The following PTK2B variants were observed in gnomAD, a reference collection of about 807,000 sequenced individuals.
PTK2B encodes the protein protein tyrosine kinase 2 beta.
PTK2B carries 71 observed loss-of-function variants against 142.9 expected under a neutral mutation model. The ratio of observed to expected loss-of-function variants is 0.50; its 90% CI spans 0.41 to 0.61. PTK2B has a LOEUF of 0.61. Among genes scored for constraint, PTK2B ranks in the 20% least tolerant of loss-of-function variants. The pLI is 0.00. For missense variants in PTK2B, 1,105 were observed against 1,320.4 expected, an observed-to-expected ratio of 0.84 and a Z score of 2.53; for synonymous variants, 519 against 503.4, an observed-to-expected ratio of 1.03 and a Z score of -0.42.
At chr8:27,428,305 A>G (rs2131975890) in intron 5 of PTK2B, among the ~76,000 whole-genome samples, 1 of 152,366 alleles carries the variant, frequency 6.6e-6, no homozygotes, top group South Asian at 2.1e-4. Flanking sequence ...CTCTGTGGCC[A>G]GCTTCCTAAC....
At chr8:27,386,044 G>T (rs1390171742) in intron 1 of PTK2B, among the ~76,000 whole-genome samples, 1 of 152,098 alleles carries the variant, frequency 6.6e-6, no homozygotes, top group Non-Finnish European at 1.5e-5. Flanking sequence ...TGTAACTTAA[G>T]ATCTTTAACT....
intron 1 of PTK2B, among the ~76,000 whole-genome samples, chr8:27,374,390 C>T (rs1040795352): frequency 1.3e-5 from 2 of 152,240 alleles, no homozygotes; most frequent in East Asian, 1.9e-4. Context: ...TCACAGACCC[C>T]TCACAACAGG....
At chr8:27,379,067 G>A (rs1258841734) in intron 1 of PTK2B, among the ~76,000 whole-genome samples, 2 of 152,166 alleles carry the variant, frequency 1.3e-5, no homozygotes, top group African/African-American at 2.4e-5. Context: ...TGTTCCCAAC[G>A]TGGCTGCATG....
chr8:27,330,512 G>A (rs1250549304), intron 1 of PTK2B, among the ~76,000 whole-genome samples: 2 of 152,156 alleles, frequency 1.3e-5, no homozygotes, highest in African/African-American at 4.8e-5. Context: ...TGCCCAGCCG[G>A]CACTGAAGTC....
chr8:27,408,119 C>G (rs551950366), intron 2 of PTK2B, among the ~76,000 whole-genome samples: 5 of 152,296 alleles, frequency 3.3e-5, no homozygotes, highest in South Asian at 4.1e-4. Flanking sequence ...TCTCCTGCCC[C>G]CTGTCTCTCA....
chr8:27,369,283 A>G (rs1297802378), intron 1 of PTK2B, among the ~76,000 whole-genome samples: 2 of 151,992 alleles, frequency 1.3e-5, no homozygotes, highest in Non-Finnish European at 2.9e-5. Flanking sequence ...ATGTAGGGGG[A>G]CCTGAGATGA....
chr8:27,401,484 T>C (rs2131484072), intron 2 of PTK2B, among the ~76,000 whole-genome samples: 1 of 152,114 alleles, frequency 6.6e-6, no homozygotes, highest in East Asian at 1.9e-4. Context: ...GTGGAGACAG[T>C]GAGTATAAGT....
chr8:27,432,157 A>G, intron 9 of PTK2B, 103 bp from the exon 10 acceptor site: 1 of 937,920 alleles, frequency 1.1e-6, no homozygotes, highest in Non-Finnish European at 1.7e-6. Context: ...TCTCCCAGAG[A>G]AACTCCCAGT....
chr8:27,331,210 G>T (rs1190205995), intron 1 of PTK2B, among the ~76,000 whole-genome samples: 1 of 152,112 alleles, frequency 6.6e-6, no homozygotes, highest in Non-Finnish European at 1.5e-5. Flanking sequence ...CAATAATTGT[G>T]GGGGCAGACC....
intron 27 of PTK2B, chr8:27,452,885 G>A: frequency 1.7e-6 from 1 of 580,648 alleles, no homozygotes; most frequent in African/African-American, 1.9e-5. Flanking sequence ...CATCTTGCTG[G>A]GACTTTGCCT....
intron 1 of PTK2B, among the ~76,000 whole-genome samples, chr8:27,384,743 A>G (rs1586206134): frequency 6.6e-6 from 1 of 152,160 alleles, no homozygotes; most frequent in African/African-American, 2.4e-5. Context: ...CCCAACCCCC[A>G]TGGTCTCCAT....
At chr8:27,455,277 A>T (rs1812078196) in intron 30 of PTK2B, among the ~76,000 whole-genome samples, 1 of 152,072 alleles carries the variant, frequency 6.6e-6, no homozygotes, top group Non-Finnish European at 1.5e-5. Flanking sequence ...CTCTGTGACA[A>T]CACTGGCTGG....
chr8:27,317,745 G>A (rs148933201), intron 3 of PTK2B, among the ~76,000 whole-genome samples: 19 of 152,306 alleles, frequency 1.2e-4, no homozygotes, highest in African/African-American at 3.8e-4. Context: ...TATCCAGCCA[G>A]CTTCCCTCAC....
intron 20 of PTK2B, 65 bp downstream of exon 20, chr8:27,439,463 G>A (rs1222322816): frequency 2.6e-6 from 4 of 1,523,872 alleles, no homozygotes; most frequent in Non-Finnish European, 3.6e-6. Flanking sequence ...CAGGCTAAGG[G>A]GGTGGGTGCA....
intron 22 of PTK2B, among the ~76,000 whole-genome samples, chr8:27,443,600 T>G (rs909079364): frequency 1.3e-5 from 2 of 152,166 alleles, no homozygotes; most frequent in Non-Finnish European, 2.9e-5. Context: ...AGAGTGGTCT[T>G]TCTTTCTCTT....
At chr8:27,382,745 G>A (rs1051463980) in intron 1 of PTK2B, among the ~76,000 whole-genome samples, 1 of 152,044 alleles carries the variant, frequency 6.6e-6, no homozygotes, top group Non-Finnish European at 1.5e-5. Flanking sequence ...TGAGAGATAG[G>A]GATCTAGTTT....
At chr8:27,414,535 C>T (rs1024464102) in intron 2 of PTK2B, among the ~76,000 whole-genome samples, 8 of 143,902 alleles carry the variant, frequency 5.6e-5, no homozygotes, top group Non-Finnish European at 1.2e-4. Context: ...CATGAGCCAC[C>T]GCGCCTGGCC....
intron 1 of PTK2B, among the ~76,000 whole-genome samples, chr8:27,385,705 C>T (rs1807306444): frequency 6.6e-6 from 1 of 151,994 alleles, no homozygotes; most frequent in Admixed American, 6.6e-5. Flanking sequence ...CCAGCCTGGC[C>T]AACATGGTGA....
chr8:27,378,825 C>T (rs1806836587), intron 1 of PTK2B, among the ~76,000 whole-genome samples: 1 of 152,180 alleles, frequency 6.6e-6, no homozygotes, highest in Non-Finnish European at 1.5e-5. Context: ...TTCCCCTCCT[C>T]ACTGGCTGTC....
Sources: allele counts gnomAD v4.1 joint callset (sites outside exome capture counted in the v4.1 genomes callset), GRCh38; gene constraint gnomAD v4.1.1; transcripts MANE v1.5; gene names NCBI Gene and HGNC (gene_info 2026-07-23, HGNC 2026-07-21).